CTNNA2: variants seen among roughly 807,000 people sequenced by gnomAD.
CTNNA2 encodes the protein catenin alpha 2.
A neutral mutation model predicts 101.0 loss-of-function variants in CTNNA2; 42 were observed. That is an observed-to-expected ratio of 0.42 (90% CI 0.32 to 0.54). The LOEUF (loss-of-function observed/expected upper bound fraction) is 0.54. Among genes scored for constraint, CTNNA2 ranks in the 20% least tolerant of loss-of-function variants. CTNNA2 has a pLI of 0.14. For synonymous variants in CTNNA2, 450 were observed against 456.4 expected (o/e 0.99, Z 0.18); for missense variants, 871 against 1,223.1 (o/e 0.71, Z 4.29).
chr2:80,186,482 G>A (rs1440427481), intron 7 of CTNNA2, among the ~76,000 whole-genome samples: 1 of 152,184 alleles, frequency 6.6e-6, no homozygotes, highest in East Asian at 1.9e-4. Flanking sequence ...ATAGGCTCTG[G>A]GTGTTTGGTG....
At chr2:79,963,696 C>G (rs1315467740) in intron 7 of CTNNA2, among the ~76,000 whole-genome samples, 1 of 152,162 alleles carries the variant, frequency 6.6e-6, no homozygotes, top group Admixed American at 6.5e-5. Context: ...CCCACATTAT[C>G]CCAGCAAAAC....
intron 4 of CTNNA2, chr2:79,499,288 A>G (rs909730600): frequency 1.3e-5 from 2 of 152,090 alleles, no homozygotes; most frequent in Non-Finnish European, 2.9e-5. Context: ...AACAATAAGA[A>G]AAAAAACTGA....
chr2:80,483,315 T>C lies in CTNNA2; in HGVS notation c.1291-61667T>C, dbSNP rs73941149. Among the ~76,000 whole-genome samples the C allele has an allele frequency of 8.1e-3, 1,220 of 151,304 alleles. 23 individuals are homozygous for C. The highest frequency in any genetic ancestry group is 0.028 in the African/African-American group (1,137 of 41,342). ...CTTATCCTTCAGCATTTTATATCTT[T>C]TAATCAGATGATTTGCAGTCTCTTT... On this transcript the variant is annotated intron_variant, in intron 9 of 18. Transcript: ENST00000402739.
In CTNNA2 at chr2:80,120,101, T is replaced by C. The variant is rs566453544; in HGVS notation, c.1056+210304T>C. 7.9e-5 allele frequency among the ~76,000 whole-genome samples: 12 copies of C among 152,344 alleles called. No homozygotes were observed. The East Asian group carries it at 2.3e-3, about 29-fold the overall frequency. On this transcript the variant is annotated intron_variant, in intron 7 of 18. Coordinates refer to ENST00000402739, the MANE Select transcript of CTNNA2 (RefSeq NM_001282597.3). ...TTAAATTTTCCTCTCTTTCTTGAACTAGATCGAAGTTCCTCAGTGCTTTTT... is the reference window on the plus strand; with the variant it reads ...TTAAATTTTCCTCTCTTTCTTGAACCAGATCGAAGTTCCTCAGTGCTTTTT...
chr2:79,213,631 A>T (rs888810504), intron 2 of CTNNA2, among the ~76,000 whole-genome samples: 2 of 152,184 alleles, frequency 1.3e-5, no homozygotes, highest in East Asian at 3.9e-4. Context: ...ACAGGAAATA[A>T]GGAAACATGG....
rs543473775 is a variant in CTNNA2 at position 79,194,012 on chromosome 2, A to G, written c.-523-3947A>G. 3.3e-5 allele frequency among the ~76,000 whole-genome samples: 5 copies of G among 152,340 alleles called. No individual in the cohort carries two copies. In the South Asian group the frequency reaches 8.3e-4, roughly 25 times the overall value. On this transcript the variant is annotated intron_variant, in intron 1 of 21. Coordinates refer to the CTNNA2 transcript ENST00000466387. ...ATTTTGCTATTTTTATATGTACTAT[A>G]GTAACTTTATGAGTATTGTTTTATA...
chr2:79,974,176 T>C (rs934158764), intron 7 of CTNNA2, among the ~76,000 whole-genome samples: 5 of 152,132 alleles, frequency 3.3e-5, no homozygotes, highest in African/African-American at 9.7e-5. Flanking sequence ...AGGAAACTTA[T>C]TGAGCATGAT....
rs1032954642 is a variant in CTNNA2 at position 79,877,230 on chromosome 2, G to A, written c.852+2888G>A. ...TGGAGGTCAACAAAAATCAAAATGT[G>A]GAGGCTGTCTGAATTGCAGTTTTGA... On this transcript the variant is annotated intron_variant, in intron 6 of 18. Coordinates refer to ENST00000402739, the MANE Select transcript of CTNNA2 (RefSeq NM_001282597.3). Among the ~76,000 whole-genome samples, 4 of 152,120 alleles carry A rather than the reference G, an allele frequency of 2.6e-5. No homozygotes were observed. The South Asian group carries it at 8.3e-4, about 32-fold the overall frequency.
rs150174183 is a variant in CTNNA2, at chr2:79,303,133, A to T, written c.-405-9576A>T. 1.9e-3 allele frequency among the ~76,000 whole-genome samples: 292 copies of T among 152,282 alleles called. 1 individual carries two copies. Among genetic ancestry groups the T allele is most frequent in the African/African-American group, 6.7e-3 (280 of 41,550 alleles). ...TTTACAGTCCAAGAACACAGTTTGA[A>T]AACAGAGACAAAACAAGGTTGGAAA... On this transcript the variant is annotated intron_variant, in intron 2 of 21. Transcript: ENST00000466387.
At chr2:79,274,560 AC>A (rs1675164981) in intron 2 of CTNNA2, among the ~76,000 whole-genome samples, 1 of 152,086 alleles carries the variant, frequency 6.6e-6, no homozygotes, top group African/African-American at 2.4e-5. Flanking sequence ...CTAATGTTTT[AC>A]TATATATCAT....
chr2:79,293,913 G>C (rs1433271278), intron 2 of CTNNA2, among the ~76,000 whole-genome samples: 6 of 152,042 alleles, frequency 3.9e-5, no homozygotes, highest in Non-Finnish European at 7.4e-5. Flanking sequence ...CTTAGATACA[G>C]CAGGATGGCC....
intron 17 of CTNNA2, among the ~76,000 whole-genome samples, chr2:80,617,244 T>G (rs1698926728): frequency 6.6e-6 from 1 of 151,606 alleles, no homozygotes; most frequent in Admixed American, 6.6e-5. Context: ...ACTAATTTAT[T>G]TCCTACAATG....
intron 7 of CTNNA2, among the ~76,000 whole-genome samples, chr2:80,150,435 C>G (rs1355747095): frequency 6.6e-6 from 1 of 152,120 alleles, no homozygotes; most frequent in African/African-American, 2.4e-5. Flanking sequence ...TCCTCCCACT[C>G]AAAAAGTGAT....
intron 7 of CTNNA2, among the ~76,000 whole-genome samples, chr2:80,267,104 C>T (rs552140758): frequency 2.6e-5 from 4 of 152,300 alleles, no homozygotes; most frequent in African/African-American, 7.2e-5. Flanking sequence ...CGCCTCAAGA[C>T]ATCCTTCCCT....
rs1688892951 is a variant in CTNNA2, at chr2:79,951,688, T to G, written c.1056+41891T>G. Reference sequence around the variant, plus strand: ...TCAAAAATTAAAAAATAAGATAAGTTAAAATAAAATAAAATAAAATAAAAT... The same window carrying G: ...TCAAAAATTAAAAAATAAGATAAGTGAAAATAAAATAAAATAAAATAAAAT... On this transcript the variant is annotated intron_variant, in intron 7 of 18. Coordinates refer to ENST00000402739, the MANE Select transcript of CTNNA2 (RefSeq NM_001282597.3). 8.2e-5 allele frequency among the ~76,000 whole-genome samples: 4 copies of G among 48,814 alleles called. No individual in the cohort carries two copies. In the South Asian group the frequency reaches 2.3e-3, roughly 28 times the overall value. The allele number at this position is 48,814 out of a possible 152,430, so 32.0% of individuals were successfully genotyped here. A position where few individuals can be genotyped will look rare whatever the true frequency, so the allele number is the denominator to read the frequency against.
intron 14 of CTNNA2, among the ~76,000 whole-genome samples, chr2:80,586,799 C>T (rs1230785242): frequency 2.0e-5 from 3 of 152,136 alleles, no homozygotes; most frequent in Non-Finnish European, 4.4e-5. Context: ...CACGCATATC[C>T]AAACATACAT....
intron 3 of CTNNA2, among the ~76,000 whole-genome samples, chr2:79,785,441 C>T (rs906827379): frequency 5.9e-5 from 9 of 152,264 alleles, no homozygotes; most frequent in African/African-American, 1.7e-4. Context: ...TTTTCTCCCT[C>T]GGTCCTTCTG....
At chr2:80,528,438 T>C (rs1404652371) in intron 9 of CTNNA2, among the ~76,000 whole-genome samples, 1 of 152,076 alleles carries the variant, frequency 6.6e-6, no homozygotes, top group Admixed American at 6.6e-5. Context: ...TCTCGTGATC[T>C]GCCTGCCTCA....
At chr2:79,873,621 A>C (rs1169470743) in intron 5 of CTNNA2, among the ~76,000 whole-genome samples, 3 of 152,170 alleles carry the variant, frequency 2.0e-5, no homozygotes, top group Admixed American at 1.3e-4. Flanking sequence ...ACAGTAGGCC[A>C]GGTGTGGTTG....
Sources: allele counts gnomAD v4.1 joint callset (sites outside exome capture counted in the v4.1 genomes callset), GRCh38; gene constraint gnomAD v4.1.1; transcripts MANE v1.5; gene names NCBI Gene and HGNC (gene_info 2026-07-23, HGNC 2026-07-21).